TNRC6C: variants seen among roughly 807,000 people sequenced by gnomAD.
The protein encoded by TNRC6C is trinucleotide repeat containing adaptor 6C.
A neutral mutation model predicts 153.7 loss-of-function variants in TNRC6C; 20 were observed. That is an observed-to-expected ratio of 0.13 (90% CI 0.09 to 0.19). The LOEUF (loss-of-function observed/expected upper bound fraction) is 0.19. Among genes scored for constraint, TNRC6C ranks in the 10% least tolerant of loss-of-function variants. TNRC6C has a pLI of 1.00. For synonymous variants in TNRC6C, 811 were observed against 841.4 expected (o/e 0.96, Z 0.63); for missense variants, 1,987 against 2,172.0 (o/e 0.91, Z 1.69).
At chr17:78,067,777 G>A (rs1256218385) in exon 5 of TNRC6C, 7 of 1,610,878 alleles carry the variant, frequency 4.3e-6, no homozygotes, top group South Asian at 1.1e-5. Flanking sequence ...TATGCAAGAA[G>A]GCTGGGGCAG....
At chr17:78,089,421 C>A (rs1032328431) in intron 13 of TNRC6C, among the ~76,000 whole-genome samples, 2 of 152,134 alleles carry the variant, frequency 1.3e-5, no homozygotes, top group African/African-American at 4.8e-5. Flanking sequence ...CTAATAAAGT[C>A]TAGGAAACTT....
intron 1 of TNRC6C, among the ~76,000 whole-genome samples, chr17:77,960,884 TTACC>T (rs2070856356): frequency 6.6e-6 from 1 of 152,210 alleles, no homozygotes; most frequent in South Asian, 2.1e-4. Context: ...AGTTGTAACT[TTACC>T]TATACTGAAA....
intron 1 of TNRC6C, among the ~76,000 whole-genome samples, chr17:78,016,719 T>G (rs938215356): frequency 6.6e-6 from 1 of 152,196 alleles, no homozygotes; most frequent in African/African-American, 2.4e-5. Context: ...CATGATTATT[T>G]AACTTCTGTG....
intron 1 of TNRC6C, among the ~76,000 whole-genome samples, chr17:77,984,147 T>A (rs959852683): frequency 1.3e-5 from 2 of 152,154 alleles, no homozygotes; most frequent in African/African-American, 4.8e-5. Flanking sequence ...TGTAGACATT[T>A]CCCTTTGGTG....
At chr17:77,962,429 C>G (rs1356417155) in intron 1 of TNRC6C, among the ~76,000 whole-genome samples, 1 of 152,050 alleles carries the variant, frequency 6.6e-6, no homozygotes, top group Non-Finnish European at 1.5e-5. Flanking sequence ...CTAGGCTGTC[C>G]CGTATACCAA....
chr17:78,068,536 G>A (rs1055043994), intron 5 of TNRC6C, among the ~76,000 whole-genome samples: 4 of 152,190 alleles, frequency 2.6e-5, no homozygotes, highest in Admixed American at 2.6e-4. Context: ...GCTCACACCT[G>A]TAATCCCGGC....
intron 1 of TNRC6C, among the ~76,000 whole-genome samples, chr17:77,983,488 C>T (rs1418711998): frequency 6.6e-6 from 1 of 152,108 alleles, no homozygotes; most frequent in Non-Finnish European, 1.5e-5. Context: ...CTTCTTTGCA[C>T]CATATTAGAG....
At chr17:77,961,399 G>T (rs1015443631) in intron 1 of TNRC6C, among the ~76,000 whole-genome samples, 3 of 152,098 alleles carry the variant, frequency 2.0e-5, no homozygotes, top group African/African-American at 7.2e-5. Context: ...CAGGTGATCC[G>T]CCTGTCTCGG....
Position 78,075,869 on chromosome 17 carries a change from G to A in TNRC6C, c.3060+591G>A, listed in dbSNP as rs1171808007. ...TTGCACTAAATTCAATGCAAATGTC[G>A]AGCCTTGAAAATAAAATTGAAGTAA... is the stretch of plus-strand genomic sequence containing the variant. On this transcript the variant is annotated intron_variant, in intron 8 of 19. Coordinates refer to ENST00000301624, the Ensembl canonical transcript of TNRC6C. The surrounding 1 kb of genome is among the most constrained non-coding windows in gnomAD (Gnocchi z 4.2). Among the ~76,000 whole-genome samples the A allele has an allele frequency of 1.3e-5, 2 of 151,862 alleles. No homozygotes were observed. Among genetic ancestry groups the A allele is most frequent in the African/African-American group, 4.8e-5 (2 of 41,310 alleles).
chr17:78,093,637 C>G, exon 16 of TNRC6C: 1 of 1,613,954 alleles, frequency 6.2e-7, no homozygotes, highest in African/African-American at 1.3e-5. Context: ...TCCGGGAGTT[C>G]CATGGAAAGG....
Position 78,082,781 on chromosome 17 carries a change from AT to A in TNRC6C, c.3358-263del, listed in dbSNP as rs372995112. 1.2e-4 allele frequency among the ~76,000 whole-genome samples: 18 copies of A among 152,288 alleles called. No homozygotes were observed. In the East Asian group the frequency reaches 2.1e-3, roughly 18 times the overall value. ...GTGAAACCTCCCTGACTGCACATCC[AT>A]TTATAGGCTCTCTGCAGGGGGAAGC... On this transcript the variant is annotated intron_variant, in intron 10 of 19. Coordinates refer to ENST00000301624, the Ensembl canonical transcript of TNRC6C.
At chr17:78,005,265 A>G (rs1326632440) in intron 1 of TNRC6C, among the ~76,000 whole-genome samples, 186 bp downstream of exon 3, 2 of 152,074 alleles carry the variant, frequency 1.3e-5, no homozygotes, top group Non-Finnish European at 2.9e-5. Flanking sequence ...TCTCATTGGT[A>G]TTTGGTTAAT....
At chr17:78,031,406 A>T (rs907706509) in intron 1 of TNRC6C, 110 bp from the exon 4 acceptor site, 8 of 789,316 alleles carry the variant, frequency 1.0e-5, no homozygotes, top group Non-Finnish European at 1.4e-5. Flanking sequence ...TTTCCAAAGC[A>T]CTACATTGTC....
intron 1 of TNRC6C, among the ~76,000 whole-genome samples, chr17:77,988,916 T>C (rs2071210765): frequency 6.6e-6 from 1 of 152,214 alleles, no homozygotes; most frequent in Admixed American, 6.5e-5. Context: ...TTCTAAAATG[T>C]AAGCTCCACG....
At chr17:78,058,126 C>G (rs77516693) in intron 3 of TNRC6C, among the ~76,000 whole-genome samples, 1,885 of 152,318 alleles carry the variant, frequency 0.012, 35 homozygotes, top group African/African-American at 0.043. Context: ...GCCTCAATTA[C>G]TCAGTCTCTG....
At chr17:77,996,095 A>G (rs1035088220) in intron 1 of TNRC6C, among the ~76,000 whole-genome samples, 1 of 152,186 alleles carries the variant, frequency 6.6e-6, no homozygotes, top group Non-Finnish European at 1.5e-5. Context: ...CAATCCTCCC[A>G]TATTTGTAAT....
At chr17:78,006,509 T>C (rs1416880567) in intron 1 of TNRC6C, among the ~76,000 whole-genome samples, 1 of 110,788 alleles carries the variant, frequency 9.0e-6, no homozygotes, top group Non-Finnish European at 1.9e-5. Flanking sequence ...TTCTTCTTCT[T>C]CTTCTTCTTC....
At chr17:78,037,637 C>T (rs1049444112) in intron 2 of TNRC6C, among the ~76,000 whole-genome samples, 4 of 152,152 alleles carry the variant, frequency 2.6e-5, no homozygotes, top group Non-Finnish European at 2.9e-5. Flanking sequence ...TCTCAGTAAG[C>T]GCTGCAGGCT....
Position 78,084,470 on chromosome 17 carries a change from T to A in TNRC6C, c.3477+1304T>A, listed in dbSNP as rs1379950824. ...AACAAGTTTGAGGTCTGCTTTTCTGTAAGCAGCAGGGGAGGATAGAAGGAA... is the reference window on the plus strand; with the variant it reads ...AACAAGTTTGAGGTCTGCTTTTCTGAAAGCAGCAGGGGAGGATAGAAGGAA... On this transcript the variant is annotated intron_variant, in intron 11 of 19. Transcript: ENST00000301624. Among the ~76,000 whole-genome samples, 4 of 152,030 alleles carry A rather than the reference T, an allele frequency of 2.6e-5. No homozygotes were observed. In the East Asian group the frequency reaches 7.7e-4, roughly 29 times the overall value.
Sources: allele counts gnomAD v4.1 joint callset (sites outside exome capture counted in the v4.1 genomes callset), GRCh38; gene constraint gnomAD v4.1.1; non-coding constraint Gnocchi (gnomAD v3.1); transcripts MANE v1.5; gene names NCBI Gene and HGNC (gene_info 2026-07-23, HGNC 2026-07-21).